PTPRK: variants seen among roughly 807,000 people sequenced by gnomAD.
The protein encoded by PTPRK is receptor-type tyrosine-protein phosphatase kappa.
In PTPRK, 75 loss-of-function variants were observed where a neutral mutation model predicts 178.0. That is an observed-to-expected ratio of 0.42 (90% CI 0.35 to 0.51). The LOEUF is 0.51. Among genes scored for constraint, PTPRK ranks in the 20% least tolerant of loss-of-function variants. PTPRK has a pLI of 0.02. For synonymous variants in PTPRK, 637 were observed against 620.6 expected, an observed-to-expected ratio of 1.03 and a Z score of -0.39; for missense variants, 1,441 against 1,797.8, an observed-to-expected ratio of 0.80 and a Z score of 3.59.
intron 6 of PTPRK, among the ~76,000 whole-genome samples, chr6:128,213,097 C>T (rs375086042): frequency 1.3e-5 from 2 of 151,758 alleles, no homozygotes; most frequent in African/African-American, 2.4e-5. Context: ...TACTTTTCAG[C>T]TTTGAAAATG....
chr6:128,391,282 T>C (rs1236288013), intron 2 of PTPRK, among the ~76,000 whole-genome samples: 1 of 152,104 alleles, frequency 6.6e-6, no homozygotes, highest in Non-Finnish European at 1.5e-5. Context: ...TGGCCTCATG[T>C]TAAGCCCTTC....
chr6:128,270,339 T>C (rs1188319684), intron 3 of PTPRK, among the ~76,000 whole-genome samples: 2 of 152,264 alleles, frequency 1.3e-5, no homozygotes, highest in African/African-American at 4.8e-5. Context: ...TGGATCAACA[T>C]ATTTTCTGGG....
At chr6:128,075,256 T>G (rs1034647312) in intron 11 of PTPRK, among the ~76,000 whole-genome samples, 1 of 152,052 alleles carries the variant, frequency 6.6e-6, no homozygotes, top group Non-Finnish European at 1.5e-5. Flanking sequence ...ATTCTCTATG[T>G]TTCTATCAGA....
intron 13 of PTPRK, among the ~76,000 whole-genome samples, chr6:128,032,696 G>A (rs1775546405): frequency 6.6e-6 from 1 of 152,102 alleles, no homozygotes; most frequent in Non-Finnish European, 1.5e-5. Context: ...AGGATGAAAG[G>A]CCTCCAGGGT....
intron 13 of PTPRK, among the ~76,000 whole-genome samples, chr6:128,054,854 C>T (rs1408484770): frequency 3.3e-4 from 50 of 152,150 alleles, no homozygotes; most frequent in Admixed American, 3.3e-3. Context: ...GTCAGGAGGA[C>T]CAGCTTATAA....
intron 7 of PTPRK, among the ~76,000 whole-genome samples, chr6:128,114,055 A>T (rs1420393738): frequency 6.6e-6 from 1 of 152,140 alleles, no homozygotes; most frequent in Non-Finnish European, 1.5e-5. Context: ...TTTGAGTTGC[A>T]TTTTGAAGGC....
intron 1 of PTPRK, among the ~76,000 whole-genome samples, chr6:128,470,477 G>A (rs576962610): frequency 1.3e-5 from 2 of 151,840 alleles, no homozygotes; most frequent in East Asian, 3.9e-4. Context: ...TAATAGCCTA[G>A]TGCTTTTCAC....
chr6:128,500,723 T>A (rs1386546366), intron 1 of PTPRK: 1 of 152,206 alleles, frequency 6.6e-6, no homozygotes, highest in African/African-American at 2.4e-5. Flanking sequence ...TCCCACTTGG[T>A]TTCCTCAAGG....
intron 7 of PTPRK, among the ~76,000 whole-genome samples, chr6:128,137,118 C>G (rs1795129949): frequency 6.6e-6 from 1 of 152,194 alleles, no homozygotes; most frequent in Non-Finnish European, 1.5e-5. Context: ...CCCTATTTCT[C>G]ATTTAATTAC....
In PTPRK at chr6:128,401,435, C is replaced by A. The variant is rs368658156; in HGVS notation, c.101-3747G>T. Reference sequence around the variant, plus strand: ...AAAAGCTCTATGAGAGAACACGGAACCAGAGACATTTTCTGTAGAATCAGG... The same window carrying A: ...AAAAGCTCTATGAGAGAACACGGAAACAGAGACATTTTCTGTAGAATCAGG... On this transcript the variant is annotated intron_variant, in intron 1 of 29. Transcript: ENST00000368226. Among the ~76,000 whole-genome samples, 9 of 152,104 alleles carry A rather than the reference C, an allele frequency of 5.9e-5. No homozygotes were observed. The South Asian group carries it at 1.2e-3, about 21-fold the overall frequency.
intron 7 of PTPRK, among the ~76,000 whole-genome samples, chr6:128,147,158 C>T (rs1796613104): frequency 6.6e-6 from 1 of 152,020 alleles, no homozygotes; most frequent in East Asian, 1.9e-4. Flanking sequence ...TAAATGCATG[C>T]TGTATAGTAT....
chr6:128,036,453 C>T (rs1776229834), intron 13 of PTPRK, among the ~76,000 whole-genome samples: 1 of 151,914 alleles, frequency 6.6e-6, no homozygotes, highest in African/African-American at 2.4e-5. Context: ...TAGCCATGAG[C>T]AAGAGAGAAG....
At chr6:128,323,320 C>T (rs890772023) in intron 2 of PTPRK, among the ~76,000 whole-genome samples, 4 of 152,012 alleles carry the variant, frequency 2.6e-5, no homozygotes, top group African/African-American at 7.2e-5. Context: ...TTAACAAAGA[C>T]ACATATCACA....
chr6:128,082,486 G>C lies in PTPRK; in HGVS notation c.1728C>G (p.Val576=), dbSNP rs756983574. The C allele has an allele frequency of 3.1e-6, 5 of 1,613,326 alleles. No individual in the cohort carries two copies. In the African/African-American group the frequency reaches 6.7e-5, roughly 22 times the overall value. ...TGGCTGTGGCTGGACCAAAGCCTTT[G>C]ACCGTGCTGGCTCTTATGAAAAACT... The part of the protein sequence containing the change: ...TYQFFIRAST[V]KGFGPATAIN... Residue 576 remains valine, a synonymous_variant, in exon 10 of 30, where the codon GTC becomes GTG. Transcript: ENST00000368226.
chr6:128,469,494 G>C (rs769418378), intron 1 of PTPRK, among the ~76,000 whole-genome samples: 1 of 152,140 alleles, frequency 6.6e-6, no homozygotes, highest in Non-Finnish European at 1.5e-5. Context: ...TTGAGGATAG[G>C]AGAAGAAACA....
At chr6:128,331,598 G>A (rs78661843) in intron 2 of PTPRK, among the ~76,000 whole-genome samples, 1 of 152,080 alleles carries the variant, frequency 6.6e-6, no homozygotes, top group Non-Finnish European at 1.5e-5. Context: ...TTTTTGTACA[G>A]TCTAGTTTTA....
intron 13 of PTPRK, among the ~76,000 whole-genome samples, chr6:128,030,503 ACT>A (rs1208320507): frequency 6.6e-6 from 1 of 151,958 alleles, no homozygotes; most frequent in African/African-American, 2.4e-5. Flanking sequence ...TTAAAACCTG[ACT>A]CTTCCCTTAG....
At chr6:128,203,979 C>A (rs541699079) in intron 6 of PTPRK, among the ~76,000 whole-genome samples, 5 of 152,186 alleles carry the variant, frequency 3.3e-5, no homozygotes, top group South Asian at 2.1e-4. Flanking sequence ...CAATCCAAAG[C>A]AAAATGAACA....
In PTPRK at chr6:128,106,514, CAACT is replaced by C. The variant is rs927851763; in HGVS notation, c.1163-16526_1163-16523del. 1.2e-4 allele frequency among the ~76,000 whole-genome samples: 18 copies of C among 151,336 alleles called. No homozygotes were observed. In the South Asian group the frequency reaches 1.9e-3, roughly 16 times the overall value. ...TGTGTGTGTAAAGCGCTAGGAAAAA[CAACT>C]AACTTGAAAAAAAAAAGCACTAAAA... On this transcript the variant is annotated intron_variant, in intron 7 of 29. Coordinates refer to ENST00000368226, the MANE Select transcript of PTPRK (RefSeq NM_002844.4).
Sources: gnomAD v4.1 joint callset for allele counts (sites outside exome capture counted in the v4.1 genomes callset) on GRCh38, gnomAD v4.1.1 for gene constraint, MANE v1.5 for transcripts, NCBI Gene and HGNC (gene_info 2026-07-23, HGNC 2026-07-21) for gene names.